NOS2: variants seen among roughly 807,000 people sequenced by gnomAD.
NOS2 encodes the protein nitric oxide synthase 2.
In NOS2, 96 loss-of-function variants were observed where a neutral mutation model predicts 136.0. That is an observed-to-expected ratio of 0.71 (90% CI 0.60 to 0.84). The LOEUF (loss-of-function observed/expected upper bound fraction) is 0.84, where lower values mean the gene tolerates loss of function less well. Among genes scored for constraint, NOS2 ranks in the 40% least tolerant of loss-of-function variants. The probability of loss-of-function intolerance (pLI) is 0.00; values close to 1 mark genes in which losing one functional copy is unlikely to be tolerated. For missense variants in NOS2, 1,237 were observed against 1,496.9 expected (o/e 0.83, Z 2.87); for synonymous variants, 539 against 587.5 (o/e 0.92, Z 1.20).
intron 17 of NOS2, 81 bp from the exon 18 acceptor site, chr17:27,767,918 C>T: frequency 6.4e-7 from 1 of 1,570,854 alleles, no homozygotes. Context: ...TTTTTAGGCC[C>T]TTACCATGGG....
At chr17:27,757,785 T>C (rs953709977) in intron 26 of NOS2, among the ~76,000 whole-genome samples, 2 of 152,246 alleles carry the variant, frequency 1.3e-5, no homozygotes, top group African/African-American at 4.8e-5. Context: ...GACCTTGGAA[T>C]CTTTTTGATG....
intron 15 of NOS2, 136 bp downstream of exon 15, chr17:27,770,777 G>T: frequency 1.7e-6 from 1 of 593,166 alleles, no homozygotes; most frequent in South Asian, 2.2e-5. Context: ...GCCGGCAAAT[G>T]ACCTGAGTGA....
intron 18 of NOS2, 52 bp downstream of exon 18, chr17:27,767,653 G>A: frequency 6.3e-7 from 1 of 1,596,374 alleles, no homozygotes. Context: ...CATGGGCTTA[G>A]GGCTCAGACC....
intron 1 of NOS2, among the ~76,000 whole-genome samples, chr17:27,799,824 A>G (rs1008722070): frequency 6.6e-6 from 1 of 150,670 alleles, no homozygotes; most frequent in East Asian, 1.9e-4. Flanking sequence ...AAGGGAAGGG[A>G]GGGGAAGGGA....
rs918064019 is a variant in NOS2, at chr17:27,791,772, AAAAACAAAAC to A, written c.111-2094_111-2085del. Among the ~76,000 whole-genome samples the A allele has an allele frequency of 1.0e-3, 145 of 141,610 alleles. 6 individuals carry two copies. Among genetic ancestry groups the A allele is most frequent in the Middle Eastern group, 3.4e-3 (1 of 292 alleles). The allele number at this position is 141,610 out of a possible 152,430, so 92.9% of individuals were successfully genotyped here. On this transcript the variant is annotated intron_variant, in intron 2 of 26. Transcript: ENST00000313735. The stretch of plus-strand genomic sequence containing the variant: ...TCTAGACTGGTGTGGCCTGCCAGAA[AAAAACAAAAC>A]AAAACAAAACAAAACAAAACAAAAA...
chr17:27,793,492 C>T, intron 2 of NOS2: 2 of 393,226 alleles, frequency 5.1e-6, no homozygotes, highest in East Asian at 3.6e-5. Flanking sequence ...GAGCGCACAT[C>T]CCCGCCCTCC....
At chr17:27,783,192 A>G in intron 5 of NOS2, 86 bp from the exon 6 acceptor site, 1 of 1,458,644 alleles carries the variant, frequency 6.9e-7, no homozygotes, top group Non-Finnish European at 9.5e-7. Flanking sequence ...AGGAACTGAA[A>G]TAGGACATCA....
chr17:27,774,966 A>C (rs1308775792), intron 11 of NOS2, among the ~76,000 whole-genome samples: 1 of 152,224 alleles, frequency 6.6e-6, no homozygotes, highest in Non-Finnish European at 1.5e-5. Context: ...AATCACTCAC[A>C]GTCTGAAATT....
chr17:27,769,450 C>G, intron 16 of NOS2, 85 bp downstream of exon 16: 1 of 1,162,974 alleles, frequency 8.6e-7, no homozygotes. Context: ...AGAAGACCCC[C>G]TGTGCACACC....
Position 27,762,937 on chromosome 17 carries a change from C to T in NOS2, c.2661G>A (p.Pro887=), listed in dbSNP as rs145472296. The change falls in exon 22 of 27, where the codon CCG becomes CCA. Residue 887 remains proline (P), a synonymous_variant. Transcript: ENST00000313735. Reference sequence around the variant, plus strand: ...GGAAGCCAGCAGACACCCGCAGGGACGGGAACTCCTCTAGCACCTCCAGGA... The same window carrying T: ...GGAAGCCAGCAGACACCCGCAGGGATGGGAACTCCTCTAGCACCTCCAGGA... ...PTFLEVLEEF[P]SLRVSAGFLL... 5.4e-5 allele frequency: 87 copies of T among 1,605,912 alleles called. 3 individuals are homozygous for T. The highest frequency in any genetic ancestry group is 3.7e-4 in the South Asian group (33 of 89,072).
At chr17:27,759,630 C>T (rs1034102313) in intron 25 of NOS2, among the ~76,000 whole-genome samples, 1 of 152,122 alleles carries the variant, frequency 6.6e-6, no homozygotes, top group Non-Finnish European at 1.5e-5. Flanking sequence ...ACCCCAGGCT[C>T]AGGGGGTAAC....
chr17:27,799,535 G>A (rs1217476743), intron 1 of NOS2, among the ~76,000 whole-genome samples: 1 of 152,232 alleles, frequency 6.6e-6, no homozygotes, highest in African/African-American at 2.4e-5. Context: ...AGACAGTGTA[G>A]TGAATATAGT....
At chr17:27,769,264 G>A (rs1256175252) in intron 16 of NOS2, 113 bp from the exon 17 acceptor site, 2 of 1,094,780 alleles carry the variant, frequency 1.8e-6, no homozygotes, top group Non-Finnish European at 2.6e-6. Flanking sequence ...TCCAGCTGGA[G>A]AATGGAGCTG....
chr17:27,791,785 AAC>A (rs1298249250), intron 2 of NOS2, among the ~76,000 whole-genome samples: 4 of 150,534 alleles, frequency 2.7e-5, no homozygotes, highest in Admixed American at 6.7e-5. Context: ...AACAAAACAA[AAC>A]AAAACAAAAC....
chr17:27,799,413 TTATGTGGGGAGGAAA>T (rs1359612735), intron 1 of NOS2, among the ~76,000 whole-genome samples: 5 of 152,224 alleles, frequency 3.3e-5, no homozygotes, highest in Non-Finnish European at 7.3e-5. Flanking sequence ...TCCTCTTTTA[TTATGTGGGGAGGAAA>T]TATTTGTGAA....
At chr17:27,761,729 T>G (rs1908137207) in intron 22 of NOS2, among the ~76,000 whole-genome samples, 1 of 152,178 alleles carries the variant, frequency 6.6e-6, no homozygotes, top group Admixed American at 6.5e-5. Flanking sequence ...TTCAGCCTGC[T>G]CTGGCACCTT....
intron 11 of NOS2, among the ~76,000 whole-genome samples, chr17:27,776,356 G>A (rs1348216901): frequency 6.6e-6 from 1 of 152,136 alleles, no homozygotes; most frequent in Non-Finnish European, 1.5e-5. Context: ...CAACTCCTGG[G>A]AGCCAGATCA....
rs553732539 is a variant in NOS2 at position 27,757,239 on chromosome 17, T to A, written c.*7A>T. 6.2e-7 allele frequency: 1 copy of A among 1,612,364 alleles called. No homozygotes were observed. The highest frequency in any genetic ancestry group is 1.1e-5 in the South Asian group (1 of 90,922). On this transcript the variant is annotated 3_prime_UTR_variant, in exon 27 of 27. Coordinates refer to ENST00000313735, the MANE Select transcript of NOS2 (RefSeq NM_000625.4). ...GTGCCGGCAGCTTTAACCCCTCCTG[T>A]AGGCCCTCAGAGCGCTGACATCTCC... is the stretch of plus-strand genomic sequence containing the variant.
chr17:27,792,520 A>AGACAGGGT (rs1267744526), intron 2 of NOS2, among the ~76,000 whole-genome samples: 1 of 152,102 alleles, frequency 6.6e-6, no homozygotes, highest in South Asian at 2.1e-4. Flanking sequence ...GGCTGCTGGG[A>AGACAGGGT]GACAGGGTGA....
Sources: gnomAD v4.1 joint callset for allele counts (sites outside exome capture counted in the v4.1 genomes callset) on GRCh38, gnomAD v4.1.1 for gene constraint, MANE v1.5 for transcripts, NCBI Gene and HGNC (gene_info 2026-07-23, HGNC 2026-07-21) for gene names.